Variants in CCT2 observed in about 807,000 individuals in gnomAD.
CCT2 encodes chaperonin containing TCP1 subunit 2.
CCT2 carries 18 observed loss-of-function variants against 61.8 expected under a neutral mutation model. The ratio of observed to expected loss-of-function variants is 0.29; its 90% confidence interval spans 0.20 to 0.43. The LOEUF is 0.43. Among genes scored for constraint, CCT2 ranks in the 20% least tolerant of loss-of-function variants. The pLI is 1.00. For missense variants in CCT2, 556 were observed against 656.9 expected (o/e 0.85, Z 1.68); for synonymous variants, 248 against 215.9 (o/e 1.15, Z -1.30).
rs776932308 is a variant in CCT2 at position 69,587,547 on chromosome 12, G to T, written c.187G>T (p.Val63Leu). The T allele has an allele frequency of 1.2e-6, 2 of 1,613,642 alleles. No homozygotes were observed. The highest frequency in any genetic ancestry group is 1.7e-6 in the Non-Finnish European group (2 of 1,179,710). Reference protein sequence around the residue: ...LSSGRDASLMVTNDGATILKN... With the variant: ...LSSGRDASLMLTNDGATILKN... Reference sequence around the variant, plus strand: ...CAGTGGACGAGATGCCTCTCTTATGGTAACCAATGATGGTGCCACTATTCT... The same window carrying T: ...CAGTGGACGAGATGCCTCTCTTATGTTAACCAATGATGGTGCCACTATTCT... Residue 63 changes from valine to leucine, a missense_variant, in exon 4 of 16, where the codon GTA becomes TTA. This residue lies in a region of CCT2 where 308 missense variants were observed against 350.6 expected (regional missense o/e 0.88). Coordinates refer to ENST00000299300, the MANE Select transcript of CCT2 (RefSeq NM_006431.3).
At chr12:69,597,912 C>G (rs1882037887) in intron 12 of CCT2, 56 bp from the exon 13 acceptor site, 1 of 1,476,398 alleles carries the variant, frequency 6.8e-7, no homozygotes, top group Non-Finnish European at 9.4e-7. Context: ...GTCAGTAATT[C>G]AGTATCTTGG....
intron 10 of CCT2, among the ~76,000 whole-genome samples, chr12:69,594,202 A>T (rs1238591487): frequency 6.6e-6 from 1 of 151,950 alleles, no homozygotes; most frequent in Non-Finnish European, 1.5e-5. Flanking sequence ...TTAAAATCTG[A>T]ACAAACTAGA....
chr12:69,597,930 T>TAA, intron 12 of CCT2, 38 bp from the exon 13 acceptor site: 4 of 1,537,292 alleles, frequency 2.6e-6, no homozygotes, highest in Non-Finnish European at 3.6e-6. Context: ...TGGAGACAAC[T>TAA]AAGCATTGCA....
rs1332355821 is a variant in CCT2 at position 69,599,869 on chromosome 12, G to C, written c.1442G>C (p.Arg481Thr). 3 of 1,609,606 alleles carry C rather than the reference G, an allele frequency of 1.9e-6. No individual in the cohort carries two copies. Among genetic ancestry groups the C allele is most frequent in the Non-Finnish European group, 2.5e-6 (3 of 1,178,258 alleles). ...AATTTGTTTTTCTTTGCAGATATGA[G>C]GGAAGGCACCATTGGAGATATGGCT... ...EGNTTAGLDM[R>T]EGTIGDMAIL... Residue 481 changes from arginine (R) to threonine (T), a missense_variant, in exon 15 of 16, where the codon AGG becomes ACG. This residue lies in a region of CCT2 where 225 missense variants were observed against 249.8 expected (regional missense o/e 0.90). Transcript: ENST00000299300.
Position 69,587,706 on chromosome 12 carries a change from C to T in CCT2, c.256+90C>T, listed in dbSNP as rs7136893. 6.6e-3 allele frequency: 5,518 copies of T among 840,612 alleles called. 51 individuals are homozygous for T. The highest frequency in any genetic ancestry group is 0.032 in the African/African-American group (1,887 of 59,104). The allele number at this position is 840,612 out of a possible 1,614,324, so 52.1% of individuals were successfully genotyped here. On this transcript the variant is annotated intron_variant, in intron 4 of 15. Coordinates refer to ENST00000299300, the MANE Select transcript of CCT2 (RefSeq NM_006431.3). ...TTATAAATAGGCTGTGTTGACCAAT[C>T]GTACTGTCAATTGATGTCCACTAGT...
intron 6 of CCT2, 197 bp from the exon 7 acceptor site, chr12:69,589,288 T>G: frequency 1.7e-6 from 1 of 578,854 alleles, no homozygotes; most frequent in Non-Finnish European, 3.0e-6. Context: ...CCCTCTTTTT[T>G]TTTTGGCATT....
Position 69,600,146 on chromosome 12 carries a change from TCTTAACA to T in CCT2, c.1577+148_1577+154del, listed in dbSNP as rs1163359742. 45 of 802,678 alleles carry T rather than the reference TCTTAACA, an allele frequency of 5.6e-5. No homozygotes were observed. In the East Asian group the frequency reaches 1.2e-3, roughly 22 times the overall value. 49.7% of individuals were successfully genotyped at this position (802,678 alleles called of 1,614,324 possible). On this transcript the variant is annotated intron_variant, in intron 15 of 15. Transcript: ENST00000299300. ...TGTAAGTTATTTAAAATATCACAAC[TCTTAACA>T]CTTAAGCCAGAAAAACTTAAGGGGA... is the stretch of plus-strand genomic sequence containing the variant.
intron 15 of CCT2, among the ~76,000 whole-genome samples, chr12:69,600,936 G>C (rs1430766533): frequency 6.6e-6 from 1 of 152,156 alleles, no homozygotes; most frequent in Non-Finnish European, 1.5e-5. Flanking sequence ...TTGTTGGTGG[G>C]GGTGTCTGCA....
Position 69,601,355 on chromosome 12 carries a change from C to T in CCT2, c.*30C>T. ...TCCCACGTGCTGTCGATCTTTGGAC[C>T]AGTTTCTAGCAAAGTTGTGTTTGAA... On this transcript the variant is annotated 3_prime_UTR_variant, in exon 16 of 16. Coordinates refer to ENST00000299300, the MANE Select transcript of CCT2 (RefSeq NM_006431.3). 6.2e-7 allele frequency: 1 copy of T among 1,613,844 alleles called. No homozygotes were observed.
intron 2 of CCT2, 69 bp from the exon 3 acceptor site, chr12:69,586,684 A>G: frequency 3.4e-6 from 4 of 1,172,572 alleles, no homozygotes; most frequent in Admixed American, 2.3e-5. Context: ...AAAAAAAAGT[A>G]AATAAAGATA....
At chr12:69,587,442 T>C in intron 3 of CCT2, 63 bp from the exon 4 acceptor site, 1 of 907,424 alleles carries the variant, frequency 1.1e-6, no homozygotes, top group South Asian at 1.4e-5. Context: ...AGAATACTGA[T>C]TGATCCATGC....
At position 69,597,201 on chromosome 12, in the gene CCT2, T is replaced by G; in HGVS notation, c.1028T>G (p.Leu343Arg). ...TTTGATCACCCAGAACTGGTGAAGC[T>G]TGGAAGTTGCAAACTTATCGAGGAA... ...STFDHPELVK[L>R]GSCKLIEEVM... The change falls in exon 11 of 16, where the codon CTT becomes CGT. Residue 343 changes from leucine to arginine, a missense_variant. Around this residue, in one of 3 missense-constraint regions of CCT2, gnomAD observed 225 missense variants for 249.8 expected, o/e 0.90. Transcript: ENST00000299300. The G allele has an allele frequency of 6.2e-7, 1 of 1,614,012 alleles. No individual in the cohort carries two copies. Among genetic ancestry groups the G allele is most frequent in the Non-Finnish European group, 8.5e-7 (1 of 1,179,862 alleles).
chr12:69,586,978 A>G, intron 3 of CCT2, 160 bp downstream of exon 3: 2 of 505,220 alleles, frequency 4.0e-6, no homozygotes, highest in Non-Finnish European at 6.9e-6. Flanking sequence ...CAGAATCACC[A>G]TCCCCAATCC....
chr12:69,597,748 A>C lies in CCT2; in HGVS notation c.1213A>C (p.Arg405=), dbSNP rs560441474. ...TCTTGCGCAAACTGTAAAGGACTCTAGAACAGTTTATGGAGGAGGTAAGCA... is the reference window on the plus strand; with the variant it reads ...TCTTGCGCAAACTGTAAAGGACTCTCGAACAGTTTATGGAGGAGGTAAGCA... ...CVLAQTVKDS[R]TVYGGGCSEM... Residue 405 remains arginine (R), a synonymous_variant, in exon 12 of 16, where the codon AGA becomes CGA. Coordinates refer to ENST00000299300, the MANE Select transcript of CCT2 (RefSeq NM_006431.3). 6 of 1,612,690 alleles carry C rather than the reference A, an allele frequency of 3.7e-6. No homozygotes were observed. In the African/African-American group the frequency reaches 8.0e-5, roughly 21 times the overall value.
At chr12:69,588,626 C>T (rs1321045085) in intron 6 of CCT2, among the ~76,000 whole-genome samples, 1 of 152,150 alleles carries the variant, frequency 6.6e-6, no homozygotes, top group African/African-American at 2.4e-5. Flanking sequence ...ACTGTATTAA[C>T]CTATCTGTAG....
rs1235324090 is a variant in CCT2, at chr12:69,601,326, G to A, written c.*1G>A. ...TGTCCCTGATCACCACCCCTGTTAA[G>A]CATTCCCACGTGCTGTCGATCTTTG... On this transcript the variant is annotated 3_prime_UTR_variant, in exon 16 of 16. Coordinates refer to ENST00000299300, the MANE Select transcript of CCT2 (RefSeq NM_006431.3). 6.2e-7 allele frequency: 1 copy of A among 1,612,752 alleles called. No individual in the cohort carries two copies. The highest frequency in any genetic ancestry group is 8.5e-7 in the Non-Finnish European group (1 of 1,179,616).
In CCT2 at chr12:69,586,655, G is replaced by T. The variant is rs1352886034; in HGVS notation, c.79-98G>T. ...TGCACTCCAGCCTGGGCGACAGAGC[G>T]ACACTCTGCCTCAAAAAAAAAAAAA... On this transcript the variant is annotated intron_variant, in intron 2 of 15. Coordinates refer to ENST00000299300, the MANE Select transcript of CCT2 (RefSeq NM_006431.3). 7 of 876,212 alleles carry T rather than the reference G, an allele frequency of 8.0e-6. No homozygotes were observed. In the Admixed American group the frequency reaches 1.4e-4, roughly 18 times the overall value. The allele number at this position is 876,212 out of a possible 1,614,324, so 54.3% of individuals were successfully genotyped here.
At chr12:69,596,369 A>G (rs550631784) in intron 10 of CCT2, among the ~76,000 whole-genome samples, 16 of 152,340 alleles carry the variant, frequency 1.1e-4, no homozygotes, top group East Asian at 1.9e-4. Flanking sequence ...AATATATGCA[A>G]TTCACATTAT....
rs1415663950 is a variant in CCT2, at chr12:69,589,492, G to T, written c.454G>T (p.Glu152Ter). 1 of 1,613,744 alleles carries T rather than the reference G, an allele frequency of 6.2e-7. No homozygotes were observed. Among genetic ancestry groups the T allele is most frequent in the Non-Finnish European group, 8.5e-7 (1 of 1,179,694 alleles). The change falls in exon 7 of 16, where the codon GAA (glutamate) becomes TAA (stop). Residue 152 changes from glutamate to a stop codon, truncating the protein, a stop_gained. Coordinates refer to ENST00000299300, the MANE Select transcript of CCT2 (RefSeq NM_006431.3). LOFTEE classifies it high-confidence loss of function. ...LSSAVDHGSD[E>*]VKFRQDLMNI... ...TTGGTTGGTTTTATTTAGTTCCGAT[G>T]AAGTTAAATTCCGTCAAGATTTAAT...
Sources: allele counts gnomAD v4.1 joint callset (sites outside exome capture counted in the v4.1 genomes callset), GRCh38; gene constraint gnomAD v4.1.1; regional missense constraint gnomAD v4.1.1; transcripts MANE v1.5; gene names NCBI Gene and HGNC (gene_info 2026-07-23, HGNC 2026-07-21).